Variants in KCNMA1 observed in about 807,000 individuals in gnomAD.
The protein encoded by KCNMA1 is potassium calcium-activated channel subfamily M alpha 1.
A neutral mutation model predicts 140.0 loss-of-function variants in KCNMA1; 29 were observed. The ratio of observed to expected loss-of-function variants is 0.21; its 90% confidence interval spans 0.15 to 0.28. KCNMA1 has a LOEUF of 0.28. Among genes scored for constraint, KCNMA1 ranks in the 10% least tolerant of loss-of-function variants. The probability of loss-of-function intolerance (pLI) is 1.00; values close to 1 mark genes in which losing one functional copy is unlikely to be tolerated. For missense variants in KCNMA1, 880 were observed against 1,602.2 expected, an observed-to-expected ratio of 0.55 and a Z score of 7.70; for synonymous variants, 612 against 611.9, an observed-to-expected ratio of 1.00 and a Z score of 0.00.
intron 5 of KCNMA1, among the ~76,000 whole-genome samples, chr10:77,155,599 C>T (rs1002257722): frequency 3.9e-5 from 6 of 152,128 alleles, no homozygotes; most frequent in East Asian, 1.9e-4. Flanking sequence ...ATGCTGCCCC[C>T]GAGATTTCAT....
At chr10:77,343,138 G>A (rs1208552721) in intron 2 of KCNMA1, among the ~76,000 whole-genome samples, 3 of 152,248 alleles carry the variant, frequency 2.0e-5, no homozygotes, top group African/African-American at 7.2e-5. Flanking sequence ...GGTGAGCATT[G>A]AGGCCGGGTT....
intron 2 of KCNMA1, among the ~76,000 whole-genome samples, chr10:77,366,960 A>G (rs2094402335): frequency 6.6e-6 from 1 of 152,222 alleles, no homozygotes; most frequent in Non-Finnish European, 1.5e-5. Flanking sequence ...ACTATTTGCC[A>G]TGATGCTGGT....
intron 1 of KCNMA1, among the ~76,000 whole-genome samples, chr10:77,495,417 G>A (rs536860607): frequency 2.1e-4 from 32 of 152,208 alleles, no homozygotes; most frequent in African/African-American, 6.0e-4. Flanking sequence ...CCTCGGTCAC[G>A]ACACCTTCCT....
At chr10:76,906,798 G>T (rs1462042017) in intron 25 of KCNMA1, among the ~76,000 whole-genome samples, 1 of 152,124 alleles carries the variant, frequency 6.6e-6, no homozygotes, top group Non-Finnish European at 1.5e-5. Context: ...CATACATTAA[G>T]GTTGGGGTAG....
chr10:76,882,471 A>G (rs1258685443), downstream of KCNMA1, among the ~76,000 whole-genome samples: 1 of 152,100 alleles, frequency 6.6e-6, no homozygotes, highest in East Asian at 1.9e-4. Flanking sequence ...CTGCCCAGCA[A>G]ACCCTGATGC....
At chr10:77,241,146 A>G (rs1381497285) in intron 3 of KCNMA1, among the ~76,000 whole-genome samples, 1 of 152,138 alleles carries the variant, frequency 6.6e-6, no homozygotes, top group Non-Finnish European at 1.5e-5. Flanking sequence ...AGTATAAGGC[A>G]TCTGTCTCTG....
intron 3 of KCNMA1, among the ~76,000 whole-genome samples, chr10:77,235,685 A>G (rs2055195505): frequency 6.6e-6 from 1 of 152,186 alleles, no homozygotes. Flanking sequence ...TTTTGTTGAC[A>G]TTAGTAGAAT....
intron 17 of KCNMA1, among the ~76,000 whole-genome samples, chr10:77,013,188 A>T (rs2091241896): frequency 6.6e-6 from 1 of 152,082 alleles, no homozygotes; most frequent in Non-Finnish European, 1.5e-5. Context: ...ATTGGCACTC[A>T]TTGGAAACCA....
intron 1 of KCNMA1, among the ~76,000 whole-genome samples, chr10:77,541,874 A>G (rs888215308): frequency 1.3e-5 from 2 of 152,214 alleles, no homozygotes; most frequent in Admixed American, 1.3e-4. Context: ...ATGTGCAGCC[A>G]GAGTTGAGAA....
At chr10:76,927,536 AAGAC>A (rs1181281269) in intron 23 of KCNMA1, among the ~76,000 whole-genome samples, 5 of 152,248 alleles carry the variant, frequency 3.3e-5, no homozygotes, top group African/African-American at 9.6e-5. Context: ...TAATTAAAGA[AAGAC>A]AATGGATATG....
chr10:77,084,794 G>T, intron 11 of KCNMA1, 75 bp from the exon 12 acceptor site: 1 of 1,029,986 alleles, frequency 9.7e-7, no homozygotes, highest in Non-Finnish European at 1.5e-6. Context: ...TCTCTCTGTT[G>T]ACAGCTTCTT....
At position 77,414,770 on chromosome 10, in the gene KCNMA1, G is replaced by A. The variant is rs187794948; in HGVS notation, c.379-10747C>T. ...CTCCCAAAGTGCTGGGATTACAGGC[G>A]TGAGCCACCACGCCTGGCTGCAAGG... On this transcript the variant is annotated intron_variant, in intron 1 of 27. Transcript: ENST00000286628. 1.1e-3 allele frequency among the ~76,000 whole-genome samples: 174 copies of A among 152,240 alleles called. 2 individuals are homozygous for A. Among genetic ancestry groups the A allele is most frequent in the Middle Eastern group, 3.4e-3 (1 of 294 alleles).
chr10:77,341,212 A>C (rs962511919), intron 2 of KCNMA1, among the ~76,000 whole-genome samples: 1 of 152,222 alleles, frequency 6.6e-6, no homozygotes, highest in Non-Finnish European at 1.5e-5. Flanking sequence ...AATTGTTGCA[A>C]AGATTAAATG....
intron 25 of KCNMA1, among the ~76,000 whole-genome samples, chr10:76,899,409 A>G (rs7922373): frequency 0.027 from 4,076 of 152,278 alleles, 167 homozygotes; most frequent in African/African-American, 0.091. Context: ...GAATGGATTT[A>G]TGAGAACCAT....
intron 1 of KCNMA1, among the ~76,000 whole-genome samples, chr10:77,436,713 G>A (rs1027415069): frequency 8.5e-5 from 13 of 152,212 alleles, no homozygotes; most frequent in African/African-American, 3.1e-4. Flanking sequence ...TCCTAAGGAA[G>A]TGCCATTTGC....
chr10:77,192,597 G>T (rs1516509), intron 3 of KCNMA1, among the ~76,000 whole-genome samples: 24,175 of 152,088 alleles, frequency 0.16, 2,390 homozygotes, highest in Non-Finnish European at 0.21. Context: ...CTGGGGATAA[G>T]GTTACGAATT....
At chr10:77,101,162 C>T (rs558372629) in intron 9 of KCNMA1, among the ~76,000 whole-genome samples, 1 of 152,128 alleles carries the variant, frequency 6.6e-6, no homozygotes, top group African/African-American at 2.4e-5. Context: ...AAGAAGTGCC[C>T]ATGTCCCACG....
chr10:77,478,989 T>C (rs2098333120), intron 1 of KCNMA1, among the ~76,000 whole-genome samples: 1 of 152,140 alleles, frequency 6.6e-6, no homozygotes, highest in African/African-American at 2.4e-5. Context: ...CTCGGCATTA[T>C]AAAGAAAAAT....
intron 9 of KCNMA1, among the ~76,000 whole-genome samples, chr10:77,105,150 G>A (rs546601390): frequency 7.2e-5 from 11 of 152,204 alleles, no homozygotes; most frequent in African/African-American, 2.4e-4. Context: ...CAACACACAC[G>A]CACATGTGCA....
Sources: allele counts gnomAD v4.1 joint callset (sites outside exome capture counted in the v4.1 genomes callset), GRCh38; gene constraint gnomAD v4.1.1; transcripts MANE v1.5; gene names NCBI Gene and HGNC (gene_info 2026-07-23, HGNC 2026-07-21).